GRID1: variants seen among roughly 807,000 people sequenced by gnomAD.
The protein encoded by GRID1 is glutamate ionotropic receptor delta type subunit 1, also known as glutamate receptor ionotropic, delta-1.
A neutral mutation model predicts 98.0 loss-of-function variants in GRID1; 28 were observed. The ratio of observed to expected loss-of-function variants is 0.29; its 90% CI spans 0.21 to 0.39. The LOEUF (loss-of-function observed/expected upper bound fraction) is 0.39, where lower values mean the gene tolerates loss of function less well. Among genes scored for constraint, GRID1 ranks in the 10% least tolerant of loss-of-function variants. The pLI, the probability that GRID1 is intolerant of heterozygous loss-of-function variation, is 1.00. For missense variants in GRID1, 1,111 were observed against 1,340.5 expected (o/e 0.83, Z 2.67); for synonymous variants, 553 against 538.5 (o/e 1.03, Z -0.37).
At chr10:86,125,262 G>C (rs575696766) in intron 4 of GRID1, among the ~76,000 whole-genome samples, 2 of 152,346 alleles carry the variant, frequency 1.3e-5, no homozygotes, top group African/African-American at 4.8e-5. Context: ...CGGTCAGGCA[G>C]GCCGAAACCC....
chr10:85,706,544 A>T (rs1841520741), intron 12 of GRID1, among the ~76,000 whole-genome samples: 1 of 152,150 alleles, frequency 6.6e-6, no homozygotes, highest in Admixed American at 6.5e-5. Flanking sequence ...GCCCAAGGTA[A>T]TTTATAGATT....
At chr10:86,174,550 C>T (rs1477939974) in intron 3 of GRID1, among the ~76,000 whole-genome samples, 1 of 152,044 alleles carries the variant, frequency 6.6e-6, no homozygotes, top group East Asian at 1.9e-4. Flanking sequence ...TAGAAGAAAA[C>T]CTAGGCATTA....
chr10:86,299,500 A>G (rs1268150008), intron 2 of GRID1, among the ~76,000 whole-genome samples: 3 of 139,970 alleles, frequency 2.1e-5, no homozygotes, highest in Admixed American at 7.2e-5. Flanking sequence ...CCCTCCCCAC[A>G]ACAGGCCCTG....
At chr10:86,010,294 GC>G (rs1422042785) in intron 4 of GRID1, among the ~76,000 whole-genome samples, 1 of 152,210 alleles carries the variant, frequency 6.6e-6, no homozygotes, top group Non-Finnish European at 1.5e-5. Flanking sequence ...TAGACAGTGT[GC>G]TGAGCATTGG....
intron 4 of GRID1, among the ~76,000 whole-genome samples, chr10:85,974,764 C>A (rs1378385088): frequency 6.6e-6 from 1 of 152,282 alleles, no homozygotes; most frequent in Middle Eastern, 3.4e-3. Context: ...GTAGCTGGGA[C>A]CACAGGCACG....
At chr10:85,740,779 T>A (rs1841935160) in intron 8 of GRID1, among the ~76,000 whole-genome samples, 1 of 151,228 alleles carries the variant, frequency 6.6e-6, no homozygotes, top group South Asian at 2.1e-4. Context: ...TGCAATGGAG[T>A]CTCGCTCTGT....
At chr10:85,610,379 C>A (rs894676581) in intron 15 of GRID1, among the ~76,000 whole-genome samples, 17 of 152,286 alleles carry the variant, frequency 1.1e-4, no homozygotes, top group Non-Finnish European at 1.5e-4. Flanking sequence ...GCCTCCCCTG[C>A]CAGCATCTCC....
intron 4 of GRID1, among the ~76,000 whole-genome samples, chr10:86,077,413 C>G (rs1321559363): frequency 2.0e-5 from 3 of 152,182 alleles, no homozygotes; most frequent in Non-Finnish European, 4.4e-5. Context: ...TGAACACACC[C>G]TGCAGTCTGC....
chr10:85,627,153 T>C (rs1047825531), intron 13 of GRID1, among the ~76,000 whole-genome samples: 2 of 152,140 alleles, frequency 1.3e-5, no homozygotes, highest in South Asian at 2.1e-4. Flanking sequence ...GAAATTTCCA[T>C]GGGAAAAAAA....
rs113078514 is a variant in GRID1 at position 86,067,841 on chromosome 10, C to A, written c.726+70978G>T. On this transcript the variant is annotated intron_variant, in intron 4 of 15. Coordinates refer to ENST00000327946, the MANE Select transcript of GRID1 (RefSeq NM_017551.3). ...TGCCAGAGCTCCCCTTAAGATCAGG[C>A]CAAGGCCTGAACTCAGCTGAGACCC... Among the ~76,000 whole-genome samples the A allele has an allele frequency of 4.5e-3, 682 of 152,332 alleles. 9 individuals carry two copies. The highest frequency in any genetic ancestry group is 0.016 in the African/African-American group (649 of 41,584).
chr10:86,164,325 C>A (rs1252033642), intron 3 of GRID1, among the ~76,000 whole-genome samples: 1 of 152,100 alleles, frequency 6.6e-6, no homozygotes, highest in African/African-American at 2.4e-5. Context: ...TCCCAGGATG[C>A]CAGCGCTGGG....
chr10:85,778,997 G>C (rs11201791), intron 8 of GRID1, among the ~76,000 whole-genome samples: 8,386 of 152,316 alleles, frequency 0.055, 410 homozygotes, highest in African/African-American at 0.13. Context: ...TATGAAGTCT[G>C]AGAAGCAGCC....
At chr10:85,776,123 C>T (rs77952043) in intron 8 of GRID1, among the ~76,000 whole-genome samples, 1 of 152,094 alleles carries the variant, frequency 6.6e-6, no homozygotes, top group Admixed American at 6.5e-5. Context: ...AACCTAGGCA[C>T]AACACCTCCA....
At chr10:85,689,376 C>G (rs1223206473) in intron 12 of GRID1, among the ~76,000 whole-genome samples, 1 of 150,810 alleles carries the variant, frequency 6.6e-6, no homozygotes, top group Non-Finnish European at 1.5e-5. Flanking sequence ...GTAGAGAAAA[C>G]AGGATAAATT....
rs1014097853 is a variant in GRID1 at position 85,886,572 on chromosome 10, T to A, written c.781-17392A>T. On this transcript the variant is annotated intron_variant, in intron 5 of 15. Coordinates refer to ENST00000327946, the MANE Select transcript of GRID1 (RefSeq NM_017551.3). ...AAAATTTCAATGATGGACATGTGGG[T>A]GTTTGTTATATTACTCTCTGTATCT... 2.0e-5 allele frequency among the ~76,000 whole-genome samples: 3 copies of A among 152,072 alleles called. No individual in the cohort carries two copies. The East Asian group carries it at 5.8e-4, about 29-fold the overall frequency.
intron 8 of GRID1, among the ~76,000 whole-genome samples, chr10:85,757,156 T>C (rs927866770): frequency 2.0e-5 from 3 of 152,182 alleles, no homozygotes; most frequent in African/African-American, 7.2e-5. Context: ...GATGCTCCTC[T>C]ACTGAGCTCA....
At chr10:86,095,008 A>G (rs1404648532) in intron 4 of GRID1, among the ~76,000 whole-genome samples, 1 of 152,224 alleles carries the variant, frequency 6.6e-6, no homozygotes. Flanking sequence ...ACATAGACCA[A>G]TGGAACAGAA....
intron 12 of GRID1, among the ~76,000 whole-genome samples, chr10:85,718,985 C>G (rs1008224595): frequency 6.6e-6 from 1 of 152,222 alleles, no homozygotes; most frequent in Non-Finnish European, 1.5e-5. Context: ...CAAGTCACCT[C>G]TTGAATGCTT....
At chr10:85,813,827 A>G (rs923508701) in intron 8 of GRID1, among the ~76,000 whole-genome samples, 16 of 151,852 alleles carry the variant, frequency 1.1e-4, no homozygotes, top group African/African-American at 3.6e-4. Flanking sequence ...GATATATATG[A>G]CATCTATAAT....
Sources: gnomAD v4.1 joint callset for allele counts (sites outside exome capture counted in the v4.1 genomes callset) on GRCh38, gnomAD v4.1.1 for gene constraint, MANE v1.5 for transcripts, NCBI Gene and HGNC (gene_info 2026-07-23, HGNC 2026-07-21) for gene names.